The following ANP32A variants were observed in gnomAD, a reference collection of about 807,000 sequenced individuals.
ANP32A encodes acidic nuclear phosphoprotein 32 family member A, also known as acidic leucine-rich nuclear phosphoprotein 32 family member A.
ANP32A carries 1 observed loss-of-function variant against 33.9 expected under a neutral mutation model. The observed-to-expected ratio is 0.03, with a 90% CI of 0.01 to 0.14. ANP32A has a LOEUF of 0.14. Among genes scored for constraint, ANP32A ranks in the 10% least tolerant of loss-of-function variants. The probability of loss-of-function intolerance (pLI) is 1.00; values close to 1 mark genes in which losing one functional copy is unlikely to be tolerated. For synonymous variants in ANP32A, 115 were observed against 120.5 expected, an observed-to-expected ratio of 0.95 and a Z score of 0.30; for missense variants, 155 against 306.0, an observed-to-expected ratio of 0.51 and a Z score of 3.68.
intron 1 of ANP32A, among the ~76,000 whole-genome samples, chr15:68,807,036 C>T (rs1596073289): frequency 3.3e-5 from 5 of 152,228 alleles, no homozygotes; most frequent in East Asian, 1.9e-4. Flanking sequence ...ACTGACCAGA[C>T]AGAGAGAAAG....
chr15:68,817,577 A>G (rs1048210673), intron 1 of ANP32A: 1 of 152,178 alleles, frequency 6.6e-6, no homozygotes, highest in African/African-American at 2.4e-5. Context: ...AAGAGCAAAC[A>G]CCAGAGCGAT....
chr15:68,797,448 G>C (rs930810430), intron 1 of ANP32A, among the ~76,000 whole-genome samples: 1 of 152,182 alleles, frequency 6.6e-6, no homozygotes, highest in Non-Finnish European at 1.5e-5. Flanking sequence ...AGAGAGCAAA[G>C]AGGGTAAATC....
Position 68,780,129 on chromosome 15 carries a change from A to G in ANP32A, c.702T>C (p.Gly234=). 1 of 1,613,380 alleles carries G rather than the reference A, an allele frequency of 6.2e-7. No homozygotes were observed. Residue 234 remains glycine, a synonymous_variant, in exon 7 of 7, where the codon GGT becomes GGC. Coordinates refer to ENST00000465139, the MANE Select transcript of ANP32A (RefSeq NM_006305.4). This position sits in a 1 kb window ranked among gnomAD's most constrained non-coding sequence, Gnocchi z 4.3. ...CTTCAGGTTCTCGTTTTCGCTTCTG[A>G]CCCCTTTCTTCTTCTGGAAAAGTAA... ...DEEELGEEER[G]QKRKREPEDE...
intron 3 of ANP32A, 122 bp downstream of exon 3, chr15:68,787,291 T>G: frequency 1.5e-6 from 2 of 1,375,646 alleles, no homozygotes; most frequent in Non-Finnish European, 2.0e-6. Flanking sequence ...TTCTATCTCA[T>G]AGCACATCAT....
At chr15:68,809,655 A>G (rs1171461486) in intron 1 of ANP32A, among the ~76,000 whole-genome samples, 1 of 152,148 alleles carries the variant, frequency 6.6e-6, no homozygotes, top group Non-Finnish European at 1.5e-5. Context: ...TCACCCACCC[A>G]GAGCAACTCC....
At chr15:68,816,908 G>A (rs1450835359) in intron 1 of ANP32A, among the ~76,000 whole-genome samples, 1 of 152,150 alleles carries the variant, frequency 6.6e-6, no homozygotes, top group Admixed American at 6.5e-5. Context: ...GCGAGTTCCT[G>A]GTTGGCTTGC....
intron 4 of ANP32A, 138 bp downstream of exon 4, chr15:68,784,259 C>T (rs1218059465): frequency 3.1e-6 from 3 of 957,116 alleles, no homozygotes; most frequent in Non-Finnish European, 3.2e-6. Context: ...AAGGTGGTAG[C>T]TACCAGACAG....
rs141390456 is a variant in ANP32A at position 68,797,234 on chromosome 15, C to T, written c.55-9315G>A. On this transcript the variant is annotated intron_variant, in intron 1 of 6. Transcript: ENST00000465139. ...AGCATTGTCCCATCTGATGTCTATC[C>T]TCTCACAGGTCATTGAGTGGCCTCC... is the stretch of plus-strand genomic sequence containing the variant. Among the ~76,000 whole-genome samples, 383 of 152,280 alleles carry T rather than the reference C, an allele frequency of 2.5e-3. 3 individuals carry two copies. The highest frequency in any genetic ancestry group is 8.9e-3 in the African/African-American group (369 of 41,554).
Position 68,780,009 on chromosome 15 carries a change from G to A in ANP32A, c.*72C>T, listed in dbSNP as rs539894717. Reference sequence around the variant, plus strand: ...TAAGTTTCAGGGGGCAGGATTGGAGGGGGGGGGGAGAGGGGATATGGGTAA... The same window carrying A: ...TAAGTTTCAGGGGGCAGGATTGGAGAGGGGGGGGAGAGGGGATATGGGTAA... On this transcript the variant is annotated 3_prime_UTR_variant, in exon 7 of 7. Coordinates refer to ENST00000465139, the MANE Select transcript of ANP32A (RefSeq NM_006305.4). The surrounding 1 kb of genome is among the most constrained non-coding windows in gnomAD (Gnocchi z 4.3). 1.4e-5 allele frequency: 19 copies of A among 1,358,166 alleles called. No homozygotes were observed. Among genetic ancestry groups the A allele is most frequent in the Admixed American group, 5.8e-5 (3 of 51,366 alleles). 84.1% of individuals were successfully genotyped at this position (1,358,166 alleles called of 1,614,324 possible). A position where few individuals can be genotyped will look rare whatever the true frequency, so the allele number is the denominator to read the frequency against.
intron 1 of ANP32A, among the ~76,000 whole-genome samples, chr15:68,797,127 A>G (rs1377431055): frequency 1.3e-5 from 2 of 152,196 alleles, no homozygotes; most frequent in Non-Finnish European, 2.9e-5. Context: ...AATTAATTAC[A>G]ACAAGTTTTT....
chr15:68,800,520 G>A (rs1441227624), intron 1 of ANP32A, among the ~76,000 whole-genome samples: 1 of 150,758 alleles, frequency 6.6e-6, no homozygotes, highest in East Asian at 1.9e-4. Context: ...CGAGGCTGGC[G>A]GATCATGAGG....
At chr15:68,785,309 G>A (rs1339119864) in intron 3 of ANP32A, among the ~76,000 whole-genome samples, 2 of 152,176 alleles carry the variant, frequency 1.3e-5, no homozygotes, top group Admixed American at 6.5e-5. Flanking sequence ...ACGGGTTCTA[G>A]CCAATGTTAT....
At chr15:68,800,972 G>A (rs1305287378) in intron 1 of ANP32A, among the ~76,000 whole-genome samples, 2 of 121,190 alleles carry the variant, frequency 1.7e-5, no homozygotes, top group South Asian at 3.0e-4. Flanking sequence ...AGGAAGCCAG[G>A]TGGGTACGAG....
chr15:68,782,798 A>G, intron 5 of ANP32A, 158 bp downstream of exon 5: 1 of 1,318,562 alleles, frequency 7.6e-7, no homozygotes, highest in East Asian at 2.6e-5. Context: ...CCCCAGAAAC[A>G]GCCCAGTGAA....
At chr15:68,811,637 G>C (rs1894313420) in intron 1 of ANP32A, among the ~76,000 whole-genome samples, 1 of 152,194 alleles carries the variant, frequency 6.6e-6, no homozygotes, top group Non-Finnish European at 1.5e-5. Context: ...TTCCTAGTGG[G>C]AAAAAGTAAC....
At chr15:68,792,996 C>T (rs922987258) in intron 1 of ANP32A, among the ~76,000 whole-genome samples, 4 of 152,166 alleles carry the variant, frequency 2.6e-5, no homozygotes, top group Non-Finnish European at 4.4e-5. Flanking sequence ...AACCTCAGCA[C>T]CCCCAATCTC....
intron 1 of ANP32A, chr15:68,789,550 G>C (rs1893974681): frequency 1.3e-5 from 2 of 152,362 alleles, no homozygotes; most frequent in African/African-American, 2.4e-5. Context: ...AGATATGGGG[G>C]AAAGGAGGTG....
intron 1 of ANP32A, among the ~76,000 whole-genome samples, chr15:68,798,889 G>A (rs1171838740): frequency 6.6e-6 from 1 of 152,196 alleles, no homozygotes; most frequent in Non-Finnish European, 1.5e-5. Flanking sequence ...AGCAAACGCC[G>A]CCTCGGCACT....
intron 4 of ANP32A, 134 bp from the exon 5 acceptor site, chr15:68,783,187 G>A: frequency 7.4e-7 from 1 of 1,356,686 alleles, no homozygotes; most frequent in Non-Finnish European, 9.9e-7. Flanking sequence ...TCCAAAGATG[G>A]AACACACTAA....
Sources: gnomAD v4.1 joint callset for allele counts (sites outside exome capture counted in the v4.1 genomes callset) on GRCh38, gnomAD v4.1.1 for gene constraint, Gnocchi (gnomAD v3.1) non-coding constraint, MANE v1.5 for transcripts, NCBI Gene and HGNC (gene_info 2026-07-23, HGNC 2026-07-21) for gene names.